The following ALK variants were observed in gnomAD, a reference collection of about 807,000 sequenced individuals.
The protein encoded by ALK is ALK tyrosine kinase receptor.
ALK carries 74 observed loss-of-function variants against 163.1 expected under a neutral mutation model. The ratio of observed to expected loss-of-function variants is 0.45; its 90% CI spans 0.38 to 0.55. The LOEUF is 0.55. Ranked by LOEUF, ALK falls within the 20% of genes least tolerant of loss-of-function variation. The pLI, the probability that ALK is intolerant of heterozygous loss-of-function variation, is 0.00. For synonymous variants in ALK, 960 were observed against 843.2 expected, an observed-to-expected ratio of 1.14 and a Z score of -2.40; for missense variants, 2,063 against 2,105.3, an observed-to-expected ratio of 0.98 and a Z score of 0.39.
chr2:29,300,734 G>A (rs1325839265), intron 8 of ALK, among the ~76,000 whole-genome samples: 1 of 152,080 alleles, frequency 6.6e-6, no homozygotes, highest in East Asian at 1.9e-4. Flanking sequence ...TTACCCAACA[G>A]TCTCCAATAA....
intron 23 of ALK, among the ~76,000 whole-genome samples, 158 bp from the exon 24 acceptor site, chr2:29,214,239 G>T (rs1226905693): frequency 6.6e-6 from 1 of 152,176 alleles, no homozygotes; most frequent in Non-Finnish European, 1.5e-5. Flanking sequence ...TCACCTGGAG[G>T]CATTTGAAAG....
At chr2:29,562,375 CACT>C (rs149750983) in intron 3 of ALK, among the ~76,000 whole-genome samples, 2,670 of 152,292 alleles carry the variant, frequency 0.018, 52 homozygotes, top group African/African-American at 0.05. Flanking sequence ...CTCTTTTCTA[CACT>C]ATACATCCCA....
intron 3 of ALK, among the ~76,000 whole-genome samples, chr2:29,607,223 C>T (rs1438122886): frequency 6.6e-6 from 1 of 152,076 alleles, no homozygotes. Flanking sequence ...GTAGGAGAGG[C>T]GAGTAGTGCT....
chr2:29,702,133 A>C (rs1006973104), intron 2 of ALK, among the ~76,000 whole-genome samples: 1 of 152,158 alleles, frequency 6.6e-6, no homozygotes. Flanking sequence ...AAAATACTAA[A>C]GAAATGGTCA....
intron 4 of ALK, among the ~76,000 whole-genome samples, chr2:29,425,230 T>C (rs778217537): frequency 6.6e-6 from 1 of 152,224 alleles, no homozygotes; most frequent in African/African-American, 2.4e-5. Flanking sequence ...ATTGGGACCA[T>C]GACCTGCTCT....
intron 4 of ALK, among the ~76,000 whole-genome samples, chr2:29,419,274 C>G (rs543579839): frequency 6.6e-6 from 1 of 151,452 alleles, no homozygotes; most frequent in East Asian, 1.9e-4. Context: ...AGTCTGGTCT[C>G]GAACTCCTGA....
chr2:29,194,926 G>A (rs928804928), intron 28 of ALK, among the ~76,000 whole-genome samples: 4 of 152,176 alleles, frequency 2.6e-5, no homozygotes, highest in African/African-American at 9.7e-5. Flanking sequence ...CTGTAACATA[G>A]AAGAACAGAA....
At chr2:29,555,046 C>G (rs1673810840) in intron 3 of ALK, among the ~76,000 whole-genome samples, 1 of 152,150 alleles carries the variant, frequency 6.6e-6, no homozygotes, top group South Asian at 2.1e-4. Context: ...TAAAAAAGGG[C>G]AACAGCAGCC....
intron 1 of ALK, among the ~76,000 whole-genome samples, chr2:29,739,776 C>T (rs1286728952): frequency 6.6e-6 from 1 of 152,016 alleles, no homozygotes; most frequent in Non-Finnish European, 1.5e-5. Context: ...ATACCAAGCA[C>T]ATATCAATGA....
At chr2:29,584,363 C>T (rs545096920) in intron 3 of ALK, among the ~76,000 whole-genome samples, 3 of 152,170 alleles carry the variant, frequency 2.0e-5, no homozygotes, top group Admixed American at 6.5e-5. Flanking sequence ...GTTGGTTCAT[C>T]TGGATCTTAA....
chr2:29,302,121 A>G (rs1666389311), intron 8 of ALK, among the ~76,000 whole-genome samples: 3 of 152,234 alleles, frequency 2.0e-5, no homozygotes, highest in South Asian at 4.1e-4. Flanking sequence ...CATATGACAC[A>G]AGATAATCGA....
At chr2:29,902,818 C>T (rs1417324873) in intron 1 of ALK, among the ~76,000 whole-genome samples, 1 of 152,296 alleles carries the variant, frequency 6.6e-6, no homozygotes, top group South Asian at 2.1e-4. Flanking sequence ...ACTCACCAAT[C>T]CTACTCACTG....
chr2:29,413,344 C>G (rs1045640416), intron 4 of ALK, among the ~76,000 whole-genome samples: 2 of 151,666 alleles, frequency 1.3e-5, no homozygotes, highest in Non-Finnish European at 2.9e-5. Context: ...TAAACACATA[C>G]TTGTTATCTT....
chr2:29,193,007 T>A lies in ALK; in HGVS notation c.*217A>T. On this transcript the variant is annotated 3_prime_UTR_variant, in exon 29 of 29. Transcript: ENST00000389048. ...TCTGGGCCTTGTATTTATCACTCATTTTTATGATATTTTCTTCTTTCGAAA... is the reference window on the plus strand; with the variant it reads ...TCTGGGCCTTGTATTTATCACTCATATTTATGATATTTTCTTCTTTCGAAA... The A allele has an allele frequency of 1.7e-6, 1 of 583,380 alleles. No homozygotes were observed. The highest frequency in any genetic ancestry group is 3.0e-6 in the Non-Finnish European group (1 of 328,916). 36.1% of individuals were successfully genotyped at this position (583,380 alleles called of 1,614,324 possible).
chr2:29,200,827 G>GTATA lies in ALK; in HGVS notation c.3939-3155_3939-3152dup, dbSNP rs555045955. 1.4e-3 allele frequency among the ~76,000 whole-genome samples: 145 copies of GTATA among 106,626 alleles called. 1 individual carries two copies. The highest frequency in any genetic ancestry group is 3.8e-3 in the African/African-American group (132 of 34,384). The allele number at this position is 106,626 out of a possible 152,430, so 70.0% of individuals were successfully genotyped here. On this transcript the variant is annotated intron_variant, in intron 26 of 28. Transcript: ENST00000389048. The stretch of plus-strand genomic sequence containing the variant: ...TATATGTGTGTATATACATATATAC[G>GTATA]TATATATATGTGTGTGTATATAGAT...
chr2:29,301,585 G>A (rs1051242484), intron 8 of ALK, among the ~76,000 whole-genome samples: 1 of 152,204 alleles, frequency 6.6e-6, no homozygotes, highest in Non-Finnish European at 1.5e-5. Flanking sequence ...ATGGGTCAGG[G>A]ACCAGGGAAG....
intron 2 of ALK, among the ~76,000 whole-genome samples, chr2:29,696,632 C>A (rs568619240): frequency 1.3e-5 from 2 of 151,316 alleles, no homozygotes; most frequent in Non-Finnish European, 2.9e-5. Context: ...CAAACCAGAA[C>A]CAGTGGCCCC....
intron 3 of ALK, among the ~76,000 whole-genome samples, chr2:29,564,178 G>T (rs1218767081): frequency 1.3e-5 from 2 of 152,080 alleles, no homozygotes; most frequent in African/African-American, 2.4e-5. Flanking sequence ...GCGAGCTTTG[G>T]ACTCAGCTAC....
chr2:29,825,615 A>G (rs1195882896), intron 1 of ALK, among the ~76,000 whole-genome samples: 1 of 152,178 alleles, frequency 6.6e-6, no homozygotes, highest in Non-Finnish European at 1.5e-5. Context: ...CAGATTAAGG[A>G]TGATGACTTC....
Sources: gnomAD v4.1 joint callset for allele counts (sites outside exome capture counted in the v4.1 genomes callset) on GRCh38, gnomAD v4.1.1 for gene constraint, MANE v1.5 for transcripts, NCBI Gene and HGNC (gene_info 2026-07-23, HGNC 2026-07-21) for gene names.